Variants in RBFOX1 observed in about 807,000 individuals in gnomAD.
RBFOX1 encodes the protein RNA binding protein fox-1 homolog 1.
A neutral mutation model predicts 57.7 loss-of-function variants in RBFOX1; 8 were observed. The ratio of observed to expected loss-of-function variants is 0.14; its 90% confidence interval spans 0.08 to 0.25. The LOEUF (loss-of-function observed/expected upper bound fraction) is 0.25. RBFOX1 is among the 10% of genes least tolerant of loss of function. The pLI is 1.00. For missense variants in RBFOX1, 611 were observed against 548.5 expected (o/e 1.11, Z -1.14); for synonymous variants, 326 against 222.4 (o/e 1.47, Z -4.15).
At chr16:7,662,150 C>G (rs1487106709) in intron 12 of RBFOX1, among the ~76,000 whole-genome samples, 1 of 152,222 alleles carries the variant, frequency 6.6e-6, no homozygotes, top group African/African-American at 2.4e-5. Context: ...GGGATCAATT[C>G]TTCTCTCCGT....
chr16:5,831,451 G>A (rs1458786801), intron 3 of RBFOX1, among the ~76,000 whole-genome samples: 6 of 147,084 alleles, frequency 4.1e-5, no homozygotes. Flanking sequence ...AGAACTGTAA[G>A]CCAATTAAAC....
chr16:6,898,550 A>T (rs2067551934), intron 3 of RBFOX1, among the ~76,000 whole-genome samples: 1 of 152,184 alleles, frequency 6.6e-6, no homozygotes, highest in South Asian at 2.1e-4. Flanking sequence ...CAGAACATGG[A>T]TTCTGCTGTG....
chr16:6,949,228 C>T (rs1017506038), intron 3 of RBFOX1, among the ~76,000 whole-genome samples: 1 of 152,034 alleles, frequency 6.6e-6, no homozygotes, highest in Non-Finnish European at 1.5e-5. Flanking sequence ...AGAAACAAGC[C>T]TATAAAAAGC....
chr16:7,210,403 T>G (rs2090897069), intron 4 of RBFOX1, among the ~76,000 whole-genome samples: 1 of 152,146 alleles, frequency 6.6e-6, no homozygotes, highest in African/African-American at 2.4e-5. Context: ...CCTCACAGTT[T>G]TGCTCTTAAG....
At chr16:6,766,739 C>A (rs996854289) in intron 3 of RBFOX1, among the ~76,000 whole-genome samples, 1 of 152,068 alleles carries the variant, frequency 6.6e-6, no homozygotes, top group Non-Finnish European at 1.5e-5. Flanking sequence ...CCAGTGAATT[C>A]ACTGAAATTC....
intron 3 of RBFOX1, among the ~76,000 whole-genome samples, chr16:6,746,155 G>A (rs1436849877): frequency 6.6e-6 from 1 of 152,170 alleles, no homozygotes; most frequent in African/African-American, 2.4e-5. Flanking sequence ...GGCCAATATC[G>A]TGTGTAGGTT....
chr16:6,469,895 T>C (rs762339857), intron 2 of RBFOX1, among the ~76,000 whole-genome samples: 1 of 152,196 alleles, frequency 6.6e-6, no homozygotes, highest in African/African-American at 2.4e-5. Flanking sequence ...AATCCTATAT[T>C]GTATTTCATG....
intron 3 of RBFOX1, among the ~76,000 whole-genome samples, chr16:6,769,343 C>G (rs184931176): frequency 2.6e-5 from 4 of 152,290 alleles, no homozygotes; most frequent in Admixed American, 2.0e-4. Context: ...TATTAAAGGT[C>G]TTTCTCCCGT....
chr16:6,587,828 T>A (rs915173274), intron 2 of RBFOX1, among the ~76,000 whole-genome samples: 1 of 152,222 alleles, frequency 6.6e-6, no homozygotes, highest in African/African-American at 2.4e-5. Context: ...TTGTGACATT[T>A]ACTTTCTCTT....
In RBFOX1 at chr16:5,796,355, G is replaced by A. The variant is rs112866728; in HGVS notation, c.319-70948G>A. 1.8e-4 allele frequency among the ~76,000 whole-genome samples: 28 copies of A among 152,308 alleles called. 1 individual carries two copies. Among genetic ancestry groups the A allele is most frequent in the African/African-American group, 6.3e-4 (26 of 41,570 alleles). On this transcript the variant is annotated intron_variant, in intron 3 of 19. Coordinates refer to the RBFOX1 transcript ENST00000641259. ...TGGCCACGAGCAAGGAATCAGGAATGAGTTGCTCAATCCAGGATCTGGACC... is the reference window on the plus strand; with the variant it reads ...TGGCCACGAGCAAGGAATCAGGAATAAGTTGCTCAATCCAGGATCTGGACC...
At chr16:7,652,120 T>C (rs991830154) in intron 11 of RBFOX1, among the ~76,000 whole-genome samples, 27 of 151,316 alleles carry the variant, frequency 1.8e-4, no homozygotes, top group African/African-American at 6.6e-4. Flanking sequence ...TTGGGAAACA[T>C]TGCCTGCTAC....
chr16:7,696,681 A>T (rs1568518059), intron 14 of RBFOX1, among the ~76,000 whole-genome samples: 2 of 152,206 alleles, frequency 1.3e-5, no homozygotes, highest in Non-Finnish European at 2.9e-5. Flanking sequence ...ATCCCAAAGC[A>T]CGTATATGAA....
intron 4 of RBFOX1, among the ~76,000 whole-genome samples, chr16:7,082,718 T>A (rs1032099940): frequency 6.6e-6 from 1 of 152,210 alleles, no homozygotes; most frequent in African/African-American, 2.4e-5. Flanking sequence ...TGTATGCTGA[T>A]TGCTGTATAT....
intron 3 of RBFOX1, among the ~76,000 whole-genome samples, chr16:6,788,268 C>T (rs1016711323): frequency 7.9e-5 from 12 of 151,920 alleles, no homozygotes; most frequent in Non-Finnish European, 1.6e-4. Flanking sequence ...CTGCATCATA[C>T]CTGTTCTGAT....
intron 4 of RBFOX1, among the ~76,000 whole-genome samples, chr16:7,310,216 C>T (rs763673537): frequency 4.6e-5 from 7 of 152,174 alleles, no homozygotes; most frequent in South Asian, 2.1e-4. Context: ...ACAGAGCTGG[C>T]CAGGGTTCTC....
chr16:7,192,040 T>G (rs1450795887), intron 4 of RBFOX1, among the ~76,000 whole-genome samples: 1 of 152,218 alleles, frequency 6.6e-6, no homozygotes, highest in Non-Finnish European at 1.5e-5. Flanking sequence ...GGAAACAGTT[T>G]TTAATCTATT....
At chr16:5,948,216 C>T (rs192611804) in intron 4 of RBFOX1, among the ~76,000 whole-genome samples, 7 of 152,244 alleles carry the variant, frequency 4.6e-5, no homozygotes, top group Non-Finnish European at 7.3e-5. Context: ...ATGTTAATTG[C>T]GCTGACCGAG....
At chr16:6,524,588 G>A (rs960681250) in intron 2 of RBFOX1, among the ~76,000 whole-genome samples, 1 of 152,144 alleles carries the variant, frequency 6.6e-6, no homozygotes, top group Non-Finnish European at 1.5e-5. Context: ...GTGTTAAAAG[G>A]GCCTGTGGAG....
chr16:6,095,662 T>C (rs2096236371), intron 1 of RBFOX1, among the ~76,000 whole-genome samples: 1 of 151,548 alleles, frequency 6.6e-6, no homozygotes, highest in African/African-American at 2.4e-5. Flanking sequence ...CTTTTTTACC[T>C]CTGATTAGTT....
Sources: gnomAD v4.1 joint callset for allele counts (sites outside exome capture counted in the v4.1 genomes callset) on GRCh38, gnomAD v4.1.1 for gene constraint, MANE v1.5 for transcripts, NCBI Gene and HGNC (gene_info 2026-07-23, HGNC 2026-07-21) for gene names.